RAI1: variants seen among roughly 807,000 people sequenced by gnomAD.
RAI1 encodes the protein retinoic acid induced 1, also known as retinoic acid-induced protein 1.
Under a neutral mutation model 123.8 loss-of-function variants are expected in RAI1, and 9 were observed. That is an observed-to-expected ratio of 0.07 (90% CI 0.04 to 0.13). The LOEUF (loss-of-function observed/expected upper bound fraction) is 0.13. Among genes scored for constraint, RAI1 ranks in the 10% least tolerant of loss-of-function variants. The pLI, the probability that RAI1 is intolerant of heterozygous loss-of-function variation, is 1.00. For synonymous variants in RAI1, 1,231 were observed against 1,127.3 expected, an observed-to-expected ratio of 1.09 and a Z score of -1.84; for missense variants, 2,256 against 2,545.8, an observed-to-expected ratio of 0.89 and a Z score of 2.45.
intron 1 of RAI1, among the ~76,000 whole-genome samples, chr17:17,707,691 C>G (rs1424179021): frequency 6.6e-6 from 1 of 152,198 alleles, no homozygotes; most frequent in Non-Finnish European, 1.5e-5. Context: ...CTCCCAGGCT[C>G]TAGTGGTCCT....
In RAI1 at chr17:17,684,694, ATATATATATATATG is replaced by A. The variant is rs1272012794; in HGVS notation, c.-149+2905_-149+2918del. 256 of 81,790 alleles carry A rather than the reference ATATATATATATATG, an allele frequency of 3.1e-3. 2 individuals carry two copies. Among genetic ancestry groups the A allele is most frequent in the African/African-American group, 9.4e-3 (185 of 19,684 alleles). The allele number at this position is 81,790 out of a possible 1,614,324, so 5.1% of individuals were successfully genotyped here. A position where few individuals can be genotyped will look rare whatever the true frequency, so the allele number is the denominator to read the frequency against. ...TGCATATATATATATATATATATAT[ATATATATATATATG>A]TATGTATGTATGTATATTACATATA... On this transcript the variant is annotated intron_variant, in intron 1 of 5. Transcript: ENST00000353383.
intron 1 of RAI1, among the ~76,000 whole-genome samples, chr17:17,686,608 T>TGTGTGTGTGTGTGCGCGCGC (rs1491248703): frequency 4.4e-5 from 6 of 137,852 alleles, no homozygotes; most frequent in Admixed American, 1.5e-4. Context: ...TGTGTGTGTG[T>TGTGTGTGTGTGTGCGCGCGC]GCACGCGCGC....
intron 2 of RAI1, among the ~76,000 whole-genome samples, chr17:17,738,900 C>G (rs1916526514): frequency 6.6e-6 from 1 of 152,160 alleles, no homozygotes; most frequent in Non-Finnish European, 1.5e-5. Context: ...TTTATAAGTA[C>G]ACGGGCCCCA....
rs778439376 is a variant in RAI1, at chr17:17,809,158, T to C, written c.5660-232T>C. 8 of 611,464 alleles carry C rather than the reference T, an allele frequency of 1.3e-5. No homozygotes were observed. Among genetic ancestry groups the C allele is most frequent in the Non-Finnish European group, 2.1e-5 (7 of 337,590 alleles). The allele number at this position is 611,464 out of a possible 1,614,324, so 37.9% of individuals were successfully genotyped here. A position where few individuals can be genotyped will look rare whatever the true frequency, so the allele number is the denominator to read the frequency against. ...ACGTGGAACTCAGGGGGAAAAGCTC[T>C]CCGCGGAGGAGGTGAGGTGAGTCAA... On this transcript the variant is annotated intron_variant, in intron 4 of 5. Coordinates refer to ENST00000353383, the MANE Select transcript of RAI1 (RefSeq NM_030665.4). This position sits in a 1 kb window ranked among gnomAD's most constrained non-coding sequence, Gnocchi z 4.9.
chr17:17,791,762 G>A (rs541103302), intron 2 of RAI1, among the ~76,000 whole-genome samples: 8 of 152,246 alleles, frequency 5.3e-5, no homozygotes, highest in South Asian at 2.1e-4. Context: ...TCTTTGAGGG[G>A]TCTTCTGGTT....
At chr17:17,763,394 T>A (rs915276366) in intron 2 of RAI1, among the ~76,000 whole-genome samples, 2 of 152,216 alleles carry the variant, frequency 1.3e-5, no homozygotes. Context: ...CCTTCCTTGC[T>A]TGTTCCTATG....
chr17:17,805,445 C>T (rs2032577298), intron 4 of RAI1, among the ~76,000 whole-genome samples: 1 of 152,176 alleles, frequency 6.6e-6, no homozygotes, highest in Non-Finnish European at 1.5e-5. Flanking sequence ...TGGAAAGAGG[C>T]GAAGTCATAA....
chr17:17,727,715 T>G (rs1476761925), intron 2 of RAI1, among the ~76,000 whole-genome samples: 1 of 152,188 alleles, frequency 6.6e-6, no homozygotes. Context: ...TCAGTTTACT[T>G]GTCAGAGACC....
In RAI1 at chr17:17,810,133, C is replaced by T. The variant is rs2032702035; in HGVS notation, c.*152C>T. The T allele has an allele frequency of 8.7e-7, 1 of 1,145,674 alleles. No homozygotes were observed. Among genetic ancestry groups the T allele is most frequent in the Non-Finnish European group, 1.2e-6 (1 of 838,526 alleles). The allele number at this position is 1,145,674 out of a possible 1,614,324, so 71.0% of individuals were successfully genotyped here. Reference sequence around the variant, plus strand: ...TGATCCGGGTCCCGGATCGTGGATCCGGCCGCCTAGGGCTCAGACTTGCGG... The same window carrying T: ...TGATCCGGGTCCCGGATCGTGGATCTGGCCGCCTAGGGCTCAGACTTGCGG... On this transcript the variant is annotated 3_prime_UTR_variant, in exon 6 of 6. Coordinates refer to ENST00000353383, the MANE Select transcript of RAI1 (RefSeq NM_030665.4). The surrounding 1 kb of genome is among the most constrained non-coding windows in gnomAD (Gnocchi z 4.6).
intron 2 of RAI1, among the ~76,000 whole-genome samples, chr17:17,771,358 C>T (rs1024934437): frequency 6.6e-6 from 1 of 152,156 alleles, no homozygotes; most frequent in East Asian, 1.9e-4. Context: ...ATGAAAGGCC[C>T]GACTAGCTGT....
intron 2 of RAI1, among the ~76,000 whole-genome samples, chr17:17,780,823 C>A (rs570505194): frequency 6.6e-6 from 1 of 152,190 alleles, no homozygotes; most frequent in Non-Finnish European, 1.5e-5. Flanking sequence ...CCCTTGAGAA[C>A]CCCCACTCTG....
intron 4 of RAI1, among the ~76,000 whole-genome samples, chr17:17,806,234 G>A (rs896263553): frequency 3.3e-5 from 5 of 152,302 alleles, no homozygotes; most frequent in South Asian, 2.1e-4. Context: ...TCAAAAGATC[G>A]GGGGAGCTTT....
At chr17:17,691,642 C>T (rs747424992) in intron 1 of RAI1, among the ~76,000 whole-genome samples, 9 of 151,994 alleles carry the variant, frequency 5.9e-5, no homozygotes, top group Admixed American at 4.6e-4. Flanking sequence ...GGTGTGTGCC[C>T]GGGGAGAAGT....
intron 1 of RAI1, among the ~76,000 whole-genome samples, chr17:17,712,870 AAC>A (rs1185729902): frequency 6.6e-5 from 10 of 152,296 alleles, no homozygotes; most frequent in African/African-American, 2.4e-4. Context: ...GTACATTAAA[AAC>A]ACACCAGCCC....
At chr17:17,780,151 C>T (rs1288232146) in intron 2 of RAI1, among the ~76,000 whole-genome samples, 6 of 150,814 alleles carry the variant, frequency 4.0e-5, no homozygotes, top group Admixed American at 1.3e-4. Flanking sequence ...CTGCAACCTC[C>T]GCCTCCCAGG....
intron 2 of RAI1, among the ~76,000 whole-genome samples, chr17:17,766,544 G>A (rs189717900): frequency 2.7e-4 from 41 of 152,246 alleles, no homozygotes; most frequent in Admixed American, 2.0e-3. Flanking sequence ...TCTGTCTGCC[G>A]AACTCTGGGC....
intron 2 of RAI1, among the ~76,000 whole-genome samples, chr17:17,789,367 C>T (rs1347575446): frequency 1.3e-5 from 2 of 152,226 alleles, no homozygotes; most frequent in African/African-American, 2.4e-5. Flanking sequence ...GTTCTGCAGC[C>T]GCCTTGCTCC....
chr17:17,765,641 T>C (rs2142993546), intron 2 of RAI1, among the ~76,000 whole-genome samples: 1 of 152,326 alleles, frequency 6.6e-6, no homozygotes, highest in South Asian at 2.1e-4. Context: ...GTGTGAGGAA[T>C]CTCCCTGCAA....
intron 2 of RAI1, among the ~76,000 whole-genome samples, chr17:17,737,758 C>T (rs1293172805): frequency 6.6e-6 from 1 of 152,184 alleles, no homozygotes; most frequent in Non-Finnish European, 1.5e-5. Context: ...GTCCAGGGCC[C>T]TTCTCGGGCT....
Sources: allele counts gnomAD v4.1 joint callset (sites outside exome capture counted in the v4.1 genomes callset), GRCh38; gene constraint gnomAD v4.1.1; non-coding constraint Gnocchi (gnomAD v3.1); transcripts MANE v1.5; gene names NCBI Gene and HGNC (gene_info 2026-07-23, HGNC 2026-07-21).